The following FUS variants were observed in gnomAD, a reference collection of about 807,000 sequenced individuals.
The protein encoded by FUS is FUS RNA binding protein.
In FUS, 5 loss-of-function variants were observed where a neutral mutation model predicts 82.7. The ratio of observed to expected loss-of-function variants is 0.06; its 90% CI spans 0.03 to 0.13. The LOEUF is 0.13. Ranked by LOEUF, FUS falls within the 10% of genes least tolerant of loss-of-function variation. The pLI, the probability that FUS is intolerant of heterozygous loss-of-function variation, is 1.00. For missense variants in FUS, 512 were observed against 707.8 expected (o/e 0.72, Z 3.14); for synonymous variants, 281 against 247.4 (o/e 1.14, Z -1.27).
chr16:31,194,787 T>C (rs1450699611), downstream of FUS: 2 of 480,940 alleles, frequency 4.2e-6, no homozygotes, highest in Admixed American at 2.3e-5. Context: ...TTCAGCCCTT[T>C]TATGCTGGAG....
intron 8 of FUS, chr16:31,188,622 A>C (rs2079307583): frequency 1.7e-6 from 1 of 574,310 alleles, no homozygotes; most frequent in African/African-American, 1.9e-5. Context: ...AGTGATGCTG[A>C]TGCGTCTGGA....
At chr16:31,189,968 C>G (rs2079328516) in intron 10 of FUS, 72 bp from the exon 11 acceptor site, 2 of 1,553,110 alleles carry the variant, frequency 1.3e-6, no homozygotes, top group African/African-American at 1.4e-5. Context: ...TTGAGAAAGG[C>G]ACGCTTCTCT....
chr16:31,180,906 C>G (rs938036296), intron 1 of FUS, among the ~76,000 whole-genome samples: 3 of 148,340 alleles, frequency 2.0e-5, no homozygotes, highest in Non-Finnish European at 4.5e-5. Flanking sequence ...TTTTTCCCGC[C>G]TAAATTTCTT....
chr16:31,188,519 A>G (rs2144128005), intron 8 of FUS, 162 bp downstream of exon 8: 1 of 798,316 alleles, frequency 1.3e-6, no homozygotes, highest in Non-Finnish European at 2.1e-6. Flanking sequence ...ATTTGTTACG[A>G]AGTATTTCTC....
At chr16:31,183,097 T>G (rs1479543966) in intron 3 of FUS, 1 of 250,198 alleles carries the variant, frequency 4.0e-6, no homozygotes, top group South Asian at 4.8e-5. Context: ...TCTTAAAACT[T>G]TTTGGGATCT....
At position 31,190,149 on chromosome 16, in the gene FUS, GC is replaced by G; in HGVS notation, c.1168+9del. ...GAGGCCGAGGGCGAGGAGGTGAGGAGCTACCTGCTAGTGGTGCAGAGGGGTA... is the reference window on the plus strand; with the variant it reads ...GAGGCCGAGGGCGAGGAGGTGAGGAGTACCTGCTAGTGGTGCAGAGGGGTA... On this transcript the variant is annotated intron_variant, in intron 11 of 14. Transcript: ENST00000254108. 1.9e-6 allele frequency: 3 copies of G among 1,614,080 alleles called. No homozygotes were observed. The highest frequency in any genetic ancestry group is 1.6e-4 in the Middle Eastern group (1 of 6,062).
In FUS at chr16:31,190,398, C is replaced by A. The variant is rs186547381; in HGVS notation, c.1292C>A (p.Pro431His). The stretch of plus-strand genomic sequence containing the variant: ...GCTGGTGACTGGAAGTGTCCTAATC[C>A]GTGAGTGAAACTTAATTTTTTTCTT... Reference protein sequence around the residue: ...QRAGDWKCPNPTCENMNFSWR... With the variant: ...QRAGDWKCPNHTCENMNFSWR... Residue 431 changes from proline to histidine, a missense_variant and splice_region_variant, in exon 12 of 15, where the codon CCC becomes CAC. By Grantham distance (77) the Pro-to-His change is moderately conservative. Coordinates refer to ENST00000254108, the MANE Select transcript of FUS (RefSeq NM_004960.4). 6.2e-7 allele frequency: 1 copy of A among 1,614,116 alleles called. No homozygotes were observed.
intron 10 of FUS, 57 bp from the exon 11 acceptor site, chr16:31,189,983 T>C: frequency 6.4e-7 from 1 of 1,568,616 alleles, no homozygotes; most frequent in Non-Finnish European, 8.7e-7. Flanking sequence ...TTCTCTTGTA[T>C]TTTCGGATTA....
chr16:31,186,966 G>C, intron 7 of FUS, 130 bp downstream of exon 7: 1 of 888,010 alleles, frequency 1.1e-6, no homozygotes, highest in African/African-American at 1.6e-5. Flanking sequence ...CTCCAGAAAG[G>C]GGTAGGGTAG....
intron 1 of FUS, 166 bp from the exon 2 acceptor site, chr16:31,182,231 TC>T (rs1324479733): frequency 1.3e-6 from 1 of 753,464 alleles, no homozygotes; most frequent in African/African-American, 1.7e-5. Flanking sequence ...CCTCAAGTGA[TC>T]CACCCACCTC....
At chr16:31,180,265 G>A (rs1032426607) in intron 1 of FUS, 38 bp downstream of exon 1, 10 of 1,594,606 alleles carry the variant, frequency 6.3e-6, no homozygotes, top group South Asian at 3.4e-5. Flanking sequence ...CGGCGCACCC[G>A]GCCGAGGCCT....
intron 3 of FUS, 174 bp downstream of exon 3, chr16:31,182,838 T>C: frequency 1.3e-6 from 1 of 748,454 alleles, no homozygotes; most frequent in South Asian, 1.5e-5. Flanking sequence ...TGCCTCAGCC[T>C]CCTGAGTAGC....
Position 31,185,093 on chromosome 16 carries a change from C to CGGCGGCGGT in FUS, c.681_689dup (p.Gly229_Gly231dup). 2 of 1,605,334 alleles carry CGGCGGCGGT rather than the reference C, an allele frequency of 1.2e-6. No individual in the cohort carries two copies. Among genetic ancestry groups the CGGCGGCGGT allele is most frequent in the Middle Eastern group, 1.7e-4 (1 of 6,044 alleles). On this transcript the variant is annotated inframe_insertion, in exon 6 of 15. Coordinates refer to ENST00000254108, the MANE Select transcript of FUS (RefSeq NM_004960.4). The stretch of plus-strand genomic sequence containing the variant: ...GGGGTGGCAGTGGTGGCGGCGGCGG[C>CGGCGGCGGT]GGCGGCGGTGGTGGTTACAACCGCA...
Position 31,186,798 on chromosome 16 carries a change from C to T in FUS, c.765-4C>T. 1.2e-6 allele frequency: 2 copies of T among 1,614,118 alleles called. No individual in the cohort carries two copies. The highest frequency in any genetic ancestry group is 1.3e-5 in the African/African-American group (1 of 75,062). ...TGTCCTTTCTTCTAACTTGTCTTCT[C>T]CAGCGGAAGTGACCGTGGTGGCTTC... is the stretch of plus-strand genomic sequence containing the variant. On this transcript the variant is annotated splice_region_variant and splice_polypyrimidine_tract_variant and intron_variant, in intron 6 of 14. Coordinates refer to ENST00000254108, the MANE Select transcript of FUS (RefSeq NM_004960.4).
intron 3 of FUS, chr16:31,183,249 G>A (rs530286617): frequency 1.7e-5 from 3 of 177,084 alleles, no homozygotes; most frequent in African/African-American, 7.2e-5. Flanking sequence ...TCCAGCCTGG[G>A]CAGTGTGTTG....
rs767564995 is a variant in FUS at position 31,185,093 on chromosome 16, CGGCGGCGGT to C, written c.681_689del (p.Gly229_Gly231del). 250 of 1,605,334 alleles carry C rather than the reference CGGCGGCGGT, an allele frequency of 1.6e-4. 1 individual carries two copies. Among genetic ancestry groups the C allele is most frequent in the Middle Eastern group, 8.3e-4 (5 of 6,044 alleles). On this transcript the variant is annotated inframe_deletion, in exon 6 of 15. Coordinates refer to ENST00000254108, the MANE Select transcript of FUS (RefSeq NM_004960.4). ...GGGGTGGCAGTGGTGGCGGCGGCGG[CGGCGGCGGT>C]GGTGGTTACAACCGCAGCAGTGGTG... is the stretch of plus-strand genomic sequence containing the variant.
chr16:31,187,295 A>G, intron 7 of FUS: 1 of 283,036 alleles, frequency 3.5e-6, no homozygotes, highest in Non-Finnish European at 6.9e-6. Flanking sequence ...AGGATGGTGA[A>G]GTTGGTATAC....
Position 31,183,840 on chromosome 16 carries a change from T to C in FUS, c.191-18T>C. 6.2e-7 allele frequency: 1 copy of C among 1,614,030 alleles called. No individual in the cohort carries two copies. Among genetic ancestry groups the C allele is most frequent in the Non-Finnish European group, 8.5e-7 (1 of 1,179,892 alleles). ...TTTCCTGGTGGCTTTTGTGACTCCC[T>C]TTTTCTTATCCTGGTAGCAGGCTAT... On this transcript the variant is annotated intron_variant, in intron 3 of 14. Coordinates refer to ENST00000254108, the MANE Select transcript of FUS (RefSeq NM_004960.4).
rs201458952 is a variant in FUS at position 31,183,817 on chromosome 16, T to C, written c.191-41T>C. The C allele has an allele frequency of 1.1e-4, 179 of 1,613,798 alleles. 3 individuals are homozygous for C. The East Asian group carries it at 1.4e-3, about 12-fold the overall frequency. ...TAACCCATTCCTTACATTTTCTCTTTCCTGGTGGCTTTTGTGACTCCCTTT... is the reference window on the plus strand; with the variant it reads ...TAACCCATTCCTTACATTTTCTCTTCCCTGGTGGCTTTTGTGACTCCCTTT... On this transcript the variant is annotated intron_variant, in intron 3 of 14. Coordinates refer to ENST00000254108, the MANE Select transcript of FUS (RefSeq NM_004960.4).
Sources: allele counts gnomAD v4.1 joint callset (sites outside exome capture counted in the v4.1 genomes callset), GRCh38; gene constraint gnomAD v4.1.1; transcripts MANE v1.5; gene names NCBI Gene and HGNC (gene_info 2026-07-23, HGNC 2026-07-21).